PRKCH: variants seen among roughly 807,000 people sequenced by gnomAD.
The protein encoded by PRKCH is protein kinase C eta, also known as protein kinase C eta type.
A neutral mutation model predicts 82.5 loss-of-function variants in PRKCH; 28 were observed. The observed-to-expected ratio is 0.34, with a 90% confidence interval of 0.25 to 0.47. The LOEUF (loss-of-function observed/expected upper bound fraction) is 0.47, where lower values mean the gene tolerates loss of function less well. PRKCH is among the 20% of genes least tolerant of loss of function. PRKCH has a pLI of 1.00. For synonymous variants in PRKCH, 322 were observed against 327.4 expected (o/e 0.98, Z 0.18); for missense variants, 705 against 881.8 (o/e 0.80, Z 2.54).
chr14:61,450,806 A>G, intron 5 of PRKCH, 36 bp from the exon 6 acceptor site: 1 of 1,604,792 alleles, frequency 6.2e-7, no homozygotes, highest in Admixed American at 1.7e-5. Context: ...TTGGTATGAC[A>G]TTTTAGCTCT....
intron 2 of PRKCH, among the ~76,000 whole-genome samples, chr14:61,392,041 C>G (rs1219310532): frequency 6.6e-6 from 1 of 152,086 alleles, no homozygotes; most frequent in Non-Finnish European, 1.5e-5. Flanking sequence ...GTTTCTTTCA[C>G]TCAGCATAGT....
chr14:61,239,567 A>AATT (rs780087253), intron 1 of PRKCH, among the ~76,000 whole-genome samples: 22 of 152,172 alleles, frequency 1.4e-4, no homozygotes, highest in Non-Finnish European at 2.9e-4. Context: ...TATCTTGCTA[A>AATT]AGCAGGCTAA....
chr14:61,470,252 G>A (rs1459285984), intron 9 of PRKCH, among the ~76,000 whole-genome samples: 1 of 151,860 alleles, frequency 6.6e-6, no homozygotes, highest in Non-Finnish European at 1.5e-5. Flanking sequence ...ACTATTATAG[G>A]GGTTGGGAGG....
Position 61,533,341 on chromosome 14 carries a change from T to TG in PRKCH, c.1761+2746_1761+2747insG, listed in dbSNP as rs200409003. On this transcript the variant is annotated intron_variant, in intron 12 of 13. Transcript: ENST00000332981. ...AGGATTTCTGGGATTTTTTTTTTTT[T>TG]TTTGTGCATTTTACTCTCCATGCCT... 0.02 allele frequency among the ~76,000 whole-genome samples: 2,942 copies of TG among 150,394 alleles called. 183 individuals carry two copies. In the East Asian group the frequency reaches 0.25, roughly 13 times the overall value.
intron 1 of PRKCH, among the ~76,000 whole-genome samples, chr14:61,339,469 G>T (rs1031821104): frequency 2.7e-5 from 4 of 149,664 alleles, no homozygotes; most frequent in African/African-American, 9.8e-5. Flanking sequence ...GACTACAGGC[G>T]CCCACCACCA....
intron 12 of PRKCH, 143 bp downstream of exon 12, chr14:61,530,738 A>G: frequency 1.3e-6 from 1 of 747,598 alleles, no homozygotes. Flanking sequence ...AGAATCAAAG[A>G]ACCAGAGTTC....
intron 2 of PRKCH, among the ~76,000 whole-genome samples, chr14:61,432,634 A>G (rs1883462438): frequency 6.6e-6 from 1 of 152,176 alleles, no homozygotes; most frequent in Non-Finnish European, 1.5e-5. Flanking sequence ...TGCGCCCAGC[A>G]GTAACGCTAG....
Position 61,223,854 on chromosome 14 carries a change from A to G in PRKCH, c.-19+36186A>G, listed in dbSNP as rs371127831. ...AGCCATAAACAGCACCTTGTGAGGGACTTCATTTGCAACTGGCAACCTTAC... is the reference window on the plus strand; with the variant it reads ...AGCCATAAACAGCACCTTGTGAGGGGCTTCATTTGCAACTGGCAACCTTAC... On this transcript the variant is annotated intron_variant, in intron 1 of 3. Transcript: ENST00000555185. Among the ~76,000 whole-genome samples, 4 of 152,152 alleles carry G rather than the reference A, an allele frequency of 2.6e-5. No homozygotes were observed. In the East Asian group the frequency reaches 7.7e-4, roughly 29 times the overall value.
chr14:61,453,399 C>G, intron 7 of PRKCH, 46 bp downstream of exon 7: 1 of 1,596,778 alleles, frequency 6.3e-7, no homozygotes, highest in Non-Finnish European at 8.5e-7. Flanking sequence ...AGAAGTTGCT[C>G]AGATGTGATG....
rs2043314905 is a variant in PRKCH, at chr14:61,550,756, G to A, written c.*925G>A. 1 of 152,232 alleles carries A rather than the reference G, an allele frequency of 6.6e-6. No homozygotes were observed. The highest frequency in any genetic ancestry group is 1.5e-5 in the Non-Finnish European group (1 of 68,032). 9.4% of individuals were successfully genotyped at this position (152,232 alleles called of 1,614,324 possible). ...GTATCGCCGTGTGCTCATCACTGAA[G>A]AATTGCAGGCCACTCATGTCAGTGA... On this transcript the variant is annotated 3_prime_UTR_variant, in exon 14 of 14. Transcript: ENST00000332981.
chr14:61,531,241 A>G (rs975930123), intron 12 of PRKCH, among the ~76,000 whole-genome samples: 1 of 152,228 alleles, frequency 6.6e-6, no homozygotes, highest in East Asian at 1.9e-4. Context: ...TTATGTTGAA[A>G]ATAAAGTACA....
chr14:61,225,195 A>G (rs572039204), intron 1 of PRKCH, among the ~76,000 whole-genome samples: 33 of 152,196 alleles, frequency 2.2e-4, no homozygotes, highest in Non-Finnish European at 3.8e-4. Context: ...GGCTCACAGC[A>G]TGGTTATTTG....
At position 61,280,834 on chromosome 14, in the gene PRKCH, T is replaced by C. The variant is rs774736016; in HGVS notation, c.-19+93166T>C. The C allele has an allele frequency of 1.7e-5, 26 of 1,565,306 alleles. No individual in the cohort carries two copies. The East Asian group carries it at 5.0e-4, about 30-fold the overall frequency. ...CTCGTAGTAGAGGTACACTGGGCCC[T>C]GGAAGAGCTCGGGCAGCGAGAAGTA... On this transcript the variant is annotated intron_variant, in intron 1 of 3. Coordinates refer to the PRKCH transcript ENST00000555185. This position sits in a 1 kb window ranked among gnomAD's most constrained non-coding sequence, Gnocchi z 5.0.
At chr14:61,463,378 C>T (rs1885113348) in intron 9 of PRKCH, 1 of 152,062 alleles carries the variant, frequency 6.6e-6, no homozygotes, top group African/African-American at 2.4e-5. Flanking sequence ...TTTTATAGGT[C>T]CTTTTGTTCT....
At chr14:61,403,101 A>G (rs952052950) in intron 2 of PRKCH, among the ~76,000 whole-genome samples, 1 of 152,134 alleles carries the variant, frequency 6.6e-6, no homozygotes, top group Non-Finnish European at 1.5e-5. Context: ...CACTCTCTCT[A>G]TCTTTGGGGG....
chr14:61,530,934 T>G (rs2043037598), intron 12 of PRKCH, among the ~76,000 whole-genome samples: 1 of 152,174 alleles, frequency 6.6e-6, no homozygotes, highest in Non-Finnish European at 1.5e-5. Context: ...GAGTTTTGGG[T>G]CAAGTAAATG....
At chr14:61,195,710 A>T (rs996896115) in intron 1 of PRKCH, among the ~76,000 whole-genome samples, 4 of 152,150 alleles carry the variant, frequency 2.6e-5, no homozygotes, top group African/African-American at 9.7e-5. Context: ...GTCAGTTAAG[A>T]GTTTGGTGAG....
intron 1 of PRKCH, among the ~76,000 whole-genome samples, chr14:61,383,709 C>T (rs187514524): frequency 3.4e-4 from 51 of 151,794 alleles, no homozygotes; most frequent in Non-Finnish European, 5.2e-4. Context: ...TAGATAGGTG[C>T]GGTGAAGAGA....
chr14:61,349,350 C>A (rs776842615), intron 1 of PRKCH, among the ~76,000 whole-genome samples: 5 of 152,176 alleles, frequency 3.3e-5, no homozygotes, highest in African/African-American at 7.2e-5. Context: ...TATCTTCCAT[C>A]AGTCCTGTTG....
Sources: gnomAD v4.1 joint callset for allele counts (sites outside exome capture counted in the v4.1 genomes callset) on GRCh38, gnomAD v4.1.1 for gene constraint, Gnocchi (gnomAD v3.1) non-coding constraint, MANE v1.5 for transcripts, NCBI Gene and HGNC (gene_info 2026-07-23, HGNC 2026-07-21) for gene names.